The following ZNF185 variants were observed in gnomAD, a reference collection of about 807,000 sequenced individuals.
ZNF185 encodes zinc finger protein 185 with LIM domain, also known as zinc finger protein 185.
In ZNF185, 56 loss-of-function variants were observed where a neutral mutation model predicts 58.6. That is an observed-to-expected ratio of 0.95 (90% confidence interval 0.77 to 1.19). ZNF185 has a LOEUF of 1.19. Ranked by LOEUF, ZNF185 falls within the 50% of genes most tolerant of loss-of-function variation. ZNF185 has a pLI of 0.00. For missense variants in ZNF185, 627 were observed against 573.5 expected (o/e 1.09, Z -0.95); for synonymous variants, 230 against 215.9 (o/e 1.07, Z -0.57).
At chrX:152,918,253 C>A in intron 6 of ZNF185, 99 bp downstream of exon 7, 1 of 1,011,570 alleles carries the variant, frequency 9.9e-7, no homozygotes, top group Admixed American at 2.6e-5. Flanking sequence ...CCACCGAGCA[C>A]AGCCCGGGAA....
At chrX:152,938,719 G>A (rs1313034037) in intron 15 of ZNF185, among the ~76,000 whole-genome samples, 1 of 110,863 alleles carries the variant, frequency 9.0e-6, no homozygotes, top group Non-Finnish European at 1.9e-5. Flanking sequence ...GTCTCATACG[G>A]TTCTCCTCAC....
chrX:152,902,647 C>T, the ZNF185 span, among the ~76,000 whole-genome samples: 2 of 112,675 alleles, frequency 1.8e-5, no homozygotes, highest in Non-Finnish European at 3.8e-5. Flanking sequence ...TCCGCTAGGC[C>T]GATCCCCCCA....
In ZNF185 at chrX:152,920,747, A is replaced by G. The variant is rs182501249; in HGVS notation, c.655A>G (p.Arg219Gly). 46 of 1,210,435 alleles carry G rather than the reference A, an allele frequency of 3.8e-5. No individual in the cohort carries two copies. The East Asian group carries it at 1.2e-3, about 31-fold the overall frequency. Residue 219 changes from arginine to glycine, a missense_variant and splice_region_variant, in exon 9 of 23, where the codon AGG becomes GGG. Arg to Gly is a moderately radical substitution (Grantham distance 125). Coordinates refer to ENST00000449285, the Ensembl canonical transcript of ZNF185. ...GACACAGGCACCGTTTATCGCGAAG[A>G]GGTAAGTGTCATCAAGGGACACCTT... is the stretch of plus-strand genomic sequence containing the variant.
chrX:152,934,275 G>A (rs2046011624), intron 14 of ZNF185, among the ~76,000 whole-genome samples: 1 of 112,195 alleles, frequency 8.9e-6, no homozygotes, highest in African/African-American at 3.2e-5. Context: ...TCCCCACAGT[G>A]GTGCAGCTTG....
chrX:152,959,690 C>T lies in ZNF185; in HGVS notation c.1410-9C>T. The stretch of plus-strand genomic sequence containing the variant: ...GCACTCACTTCATAAGGGTCTTATT[C>T]TTCCTCAGCGTGTTGACTGATTTTG... On this transcript the variant is annotated splice_polypyrimidine_tract_variant and intron_variant, in intron 16 of 22. Coordinates refer to ENST00000449285, the Ensembl canonical transcript of ZNF185. 8.3e-7 allele frequency: 1 copy of T among 1,207,796 alleles called. No homozygotes were observed. Among genetic ancestry groups the T allele is most frequent in the Non-Finnish European group, 1.1e-6 (1 of 893,443 alleles).
At chrX:152,938,888 AACTC>A (rs2046748995) in intron 15 of ZNF185, among the ~76,000 whole-genome samples, 1 of 87,727 alleles carries the variant, frequency 1.1e-5, no homozygotes, top group Non-Finnish European at 2.2e-5. Context: ...TGGAAAAGGC[AACTC>A]AGGCGATCTC....
chrX:152,937,116 C>G lies in ZNF185; in HGVS notation c.1122-958C>G, dbSNP rs782365004. Among the ~76,000 whole-genome samples the G allele has an allele frequency of 1.6e-3, 176 of 111,870 alleles. 2 individuals are homozygous for G. Among genetic ancestry groups the G allele is most frequent in the Non-Finnish European group, 2.2e-3 (116 of 53,171 alleles). On this transcript the variant is annotated intron_variant, in intron 14 of 22. Coordinates refer to ENST00000449285, the Ensembl canonical transcript of ZNF185. ...TAGTAAGGAACGATCTTTCTTAACT[C>G]CCATAAACCCTACAGAGGTGTAGGT...
intron 3 of ZNF185, among the ~76,000 whole-genome samples, chrX:152,915,504 T>C (rs1269783890): frequency 8.9e-6 from 1 of 112,031 alleles, no homozygotes; most frequent in Admixed American, 9.4e-5. Flanking sequence ...GGGATTGAAA[T>C]TGTCTTTAAG....
At chrX:152,934,010 ACT>A (rs1226270403) in intron 14 of ZNF185, among the ~76,000 whole-genome samples, 1 of 112,136 alleles carries the variant, frequency 8.9e-6, no homozygotes, top group African/African-American at 3.2e-5. Context: ...GCCACCAGAG[ACT>A]CTGTTCTTTA....
chrX:152,899,941 C>G, the ZNF185 span, among the ~76,000 whole-genome samples: 1 of 111,874 alleles, frequency 8.9e-6, no homozygotes, highest in Admixed American at 9.4e-5. Flanking sequence ...CAGCTCCATG[C>G]CTTGCCCTGA....
At chrX:152,911,704 TCCATCCCATC>T (rs60082394), upstream of ZNF185, among the ~76,000 whole-genome samples, 27 of 16,488 alleles carry the variant, frequency 1.6e-3, no homozygotes, top group Non-Finnish European at 2.3e-3. Flanking sequence ...TCCCATCCCA[TCCATCCCATC>T]CCATCCCATC....
At chrX:152,954,983 C>T (rs1203540231) in intron 16 of ZNF185, among the ~76,000 whole-genome samples, 1 of 110,917 alleles carries the variant, frequency 9.0e-6, no homozygotes, top group African/African-American at 3.3e-5. Context: ...GGGGAAATGA[C>T]GTACAGAAAT....
rs370821019 is a variant in ZNF185 at position 152,938,178 on chromosome X, G to C, written c.1211+15G>C. On this transcript the variant is annotated intron_variant, in intron 15 of 22. Transcript: ENST00000449285. ...GACCCAAAGGGGTAAGGCATGAGCA[G>C]ACAGTGCTGAACTTCTGGGGTGGAG... 1.1e-4 allele frequency: 124 copies of C among 1,168,411 alleles called. No individual in the cohort carries two copies. Among genetic ancestry groups the C allele is most frequent in the Non-Finnish European group, 1.3e-4 (116 of 872,286 alleles).
intron 16 of ZNF185, among the ~76,000 whole-genome samples, chrX:152,958,744 A>T (rs12848571): frequency 9.1e-6 from 1 of 109,509 alleles, no homozygotes; most frequent in Admixed American, 9.6e-5. Flanking sequence ...AAAAAAAAAA[A>T]GGGGGGCAGG....
At chrX:152,914,587 C>T (rs372484165) in intron 1 of ZNF185, 64 bp downstream of exon 2, 294 of 1,149,515 alleles carry the variant, frequency 2.6e-4, no homozygotes, top group Non-Finnish European at 2.7e-4. Flanking sequence ...AAGCCTGCCC[C>T]TACAGGCCAC....
chrX:152,918,088 C>T (rs188608227), exon 6 of ZNF185: 1 of 1,190,354 alleles, frequency 8.4e-7, no homozygotes, highest in African/African-American at 1.8e-5. Context: ...GTGAGAACAG[C>T]TAACGCTGGT....
rs782239108 is a variant in ZNF185 at position 152,945,036 on chromosome X, A to G, written c.1212-231A>G. Among the ~76,000 whole-genome samples, 3 of 112,106 alleles carry G rather than the reference A, an allele frequency of 2.7e-5. No homozygotes were observed. In the East Asian group the frequency reaches 8.5e-4, roughly 32 times the overall value. On this transcript the variant is annotated intron_variant, in intron 15 of 22. Coordinates refer to ENST00000449285, the Ensembl canonical transcript of ZNF185. ...AACATCGGAGGCTTCGGCTTCATCTATTACACATGGAGGCCTGTTCAGTGA... is the reference window on the plus strand; with the variant it reads ...AACATCGGAGGCTTCGGCTTCATCTGTTACACATGGAGGCCTGTTCAGTGA...
upstream of ZNF185, among the ~76,000 whole-genome samples, chrX:152,914,201 C>A (rs1937866193): frequency 1.8e-5 from 2 of 111,720 alleles, no homozygotes; most frequent in Admixed American, 1.9e-4. Context: ...CCTGGCAGCC[C>A]CTGAGCTCCA....
chrX:152,969,624 G>A (rs1414432222), intron 21 of ZNF185, 140 bp downstream of exon 23: 1 of 482,299 alleles, frequency 2.1e-6, no homozygotes, highest in African/African-American at 2.4e-5. Context: ...ATTGCACATA[G>A]TCGCAGAGGC....
Sources: allele counts gnomAD v4.1 joint callset (sites outside exome capture counted in the v4.1 genomes callset), GRCh38; gene constraint gnomAD v4.1.1; transcripts MANE v1.5; gene names NCBI Gene and HGNC (gene_info 2026-07-23, HGNC 2026-07-21).